The following SCN8A variants were observed in gnomAD, a reference collection of about 807,000 sequenced individuals.
SCN8A encodes the protein sodium voltage-gated channel alpha subunit 8, also known as sodium channel protein type 8 subunit alpha.
A neutral mutation model predicts 184.1 loss-of-function variants in SCN8A; 30 were observed. The observed-to-expected ratio is 0.16, with a 90% CI of 0.12 to 0.22. The LOEUF (loss-of-function observed/expected upper bound fraction) is 0.22. SCN8A is among the 10% of genes least tolerant of loss of function. SCN8A has a pLI of 1.00. For missense variants in SCN8A, 1,057 were observed against 2,498.9 expected, an observed-to-expected ratio of 0.42 and a Z score of 12.30; for synonymous variants, 852 against 907.0, an observed-to-expected ratio of 0.94 and a Z score of 1.09.
chr12:51,594,783 T>C (rs773943604), intron 1 of SCN8A, among the ~76,000 whole-genome samples: 8 of 152,210 alleles, frequency 5.3e-5, no homozygotes, highest in Non-Finnish European at 1.0e-4. Flanking sequence ...TTATTATGTT[T>C]TTCCAGTCTT....
chr12:51,595,380 C>T (rs996023271), intron 1 of SCN8A, among the ~76,000 whole-genome samples: 1 of 152,300 alleles, frequency 6.6e-6, no homozygotes, highest in African/African-American at 2.4e-5. Flanking sequence ...GAAAAATTAT[C>T]CCTTTGTGAA....
intron 12 of SCN8A, among the ~76,000 whole-genome samples, chr12:51,741,416 C>T (rs1439881099): frequency 6.6e-6 from 1 of 152,110 alleles, no homozygotes; most frequent in Admixed American, 6.5e-5. Context: ...ATGCATTTAG[C>T]CACTCTATGT....
intron 21 of SCN8A, among the ~76,000 whole-genome samples, chr12:51,781,392 T>A (rs1249696548): frequency 1.3e-5 from 2 of 152,156 alleles, no homozygotes; most frequent in Admixed American, 6.5e-5. Context: ...CAAAGCTTTT[T>A]TCCTCACCCC....
At chr12:51,691,237 C>A (rs1054122942) in intron 6 of SCN8A, among the ~76,000 whole-genome samples, 1 of 152,106 alleles carries the variant, frequency 6.6e-6, no homozygotes, top group African/African-American at 2.4e-5. Context: ...AAACTTCTCT[C>A]CCAGAATTAA....
At chr12:51,592,798 G>A (rs1414171756) in intron 1 of SCN8A, among the ~76,000 whole-genome samples, 2 of 152,030 alleles carry the variant, frequency 1.3e-5, no homozygotes, top group Non-Finnish European at 1.5e-5. Context: ...TTTAGAGAGA[G>A]GTAGCAGTGT....
chr12:51,714,371 GA>G (rs1474171550), intron 11 of SCN8A, among the ~76,000 whole-genome samples: 21 of 109,632 alleles, frequency 1.9e-4, no homozygotes, highest in African/African-American at 5.9e-4. Context: ...GAAATTTCCT[GA>G]GTTTATGCAA....
At chr12:51,752,344 G>A (rs998476706) in intron 14 of SCN8A, among the ~76,000 whole-genome samples, 6 of 151,900 alleles carry the variant, frequency 3.9e-5, no homozygotes, top group Admixed American at 6.6e-5. Flanking sequence ...GGCTATTACC[G>A]TTTATTAATG....
intron 2 of SCN8A, among the ~76,000 whole-genome samples, chr12:51,671,307 T>C (rs1941126184): frequency 3.9e-5 from 6 of 152,234 alleles, no homozygotes; most frequent in Admixed American, 3.9e-4. Flanking sequence ...GGGTTAGATA[T>C]GGAGGGTACC....
chr12:51,765,588 T>G, intron 15 of SCN8A, 83 bp from the exon 16 acceptor site: 1 of 839,484 alleles, frequency 1.2e-6, no homozygotes, highest in Non-Finnish European at 1.8e-6. Context: ...ATCTTCCTAA[T>G]TTTATGTTTT....
chr12:51,699,766 T>C lies in SCN8A; in HGVS notation c.903T>C (p.Asp301=), dbSNP rs759557451. The change falls in exon 7 of 27, where the codon GAT becomes GAC. Residue 301 remains aspartate, a synonymous_variant. Coordinates refer to ENST00000627620, the MANE Select transcript of SCN8A (RefSeq NM_001330260.2). ...TTGAAAATGGCACCAAAGGCTTTGA[T>C]TGGGAAGAGTATATCAACAATAAAA... The part of the protein sequence containing the change: ...SYLENGTKGF[D]WEEYINNKTN... 9 of 1,613,444 alleles carry C rather than the reference T, an allele frequency of 5.6e-6. No homozygotes were observed. The highest frequency in any genetic ancestry group is 3.3e-5 in the Admixed American group (2 of 59,946).
At chr12:51,748,350 T>C (rs917491225) in intron 13 of SCN8A, among the ~76,000 whole-genome samples, 7 of 152,190 alleles carry the variant, frequency 4.6e-5, no homozygotes, top group Admixed American at 2.6e-4. Flanking sequence ...TCTAGAATCC[T>C]GTCAATAATT....
intron 1 of SCN8A, among the ~76,000 whole-genome samples, chr12:51,594,184 T>G (rs79260698): frequency 0.011 from 1,670 of 152,356 alleles, 17 homozygotes; most frequent in Non-Finnish European, 0.017. Context: ...ATCTTTGCTT[T>G]GAATACATCC....
At chr12:51,775,356 C>G (rs12312212) in intron 20 of SCN8A, among the ~76,000 whole-genome samples, 1,921 of 152,224 alleles carry the variant, frequency 0.013, 33 homozygotes, top group African/African-American at 0.041. Flanking sequence ...GGCAAGTGCC[C>G]AATACTGAGC....
At position 51,591,329 on chromosome 12, in the gene SCN8A, C is replaced by G. The variant is rs1336293831; in HGVS notation, c.-85C>G. On this transcript the variant is annotated 5_prime_UTR_variant, in exon 1 of 27. Coordinates refer to ENST00000627620, the MANE Select transcript of SCN8A (RefSeq NM_001330260.2). ...CGCCTCCCGGGCCCCGCGTTAGGGC[C>G]GCCGCTGCCTCCCTCGCCGCCGCCG... The G allele has an allele frequency of 6.4e-6, 1 of 156,216 alleles. No individual in the cohort carries two copies. Among genetic ancestry groups the G allele is most frequent in the Non-Finnish European group, 1.4e-5 (1 of 70,846 alleles). 9.7% of individuals were successfully genotyped at this position (156,216 alleles called of 1,614,324 possible).
intron 1 of SCN8A, among the ~76,000 whole-genome samples, chr12:51,632,381 A>G (rs1940215088): frequency 6.6e-6 from 1 of 152,212 alleles, no homozygotes; most frequent in African/African-American, 2.4e-5. Context: ...AGCTTGACTC[A>G]GTGTAAGGCA....
intron 26 of SCN8A, among the ~76,000 whole-genome samples, chr12:51,796,631 C>CAATAGCTGGTATT (rs1938416702): frequency 6.6e-6 from 1 of 152,140 alleles, no homozygotes; most frequent in Non-Finnish European, 1.5e-5. Flanking sequence ...AACTGACTCA[C>CAATAGCTGGTATT]GATCACAAGG....
At chr12:51,713,089 G>A (rs1941907968) in intron 11 of SCN8A, 1 of 1,362,438 alleles carries the variant, frequency 7.3e-7, no homozygotes, top group Non-Finnish European at 1.0e-6. Context: ...ATCATCAAAA[G>A]TTACAAAAGC....
chr12:51,740,395 T>C (rs1000370416), intron 12 of SCN8A, among the ~76,000 whole-genome samples: 2 of 152,236 alleles, frequency 1.3e-5, no homozygotes, highest in Non-Finnish European at 2.9e-5. Flanking sequence ...AATTTCTTCA[T>C]TGACTTTGAC....
At chr12:51,718,313 C>G (rs1470088641) in intron 11 of SCN8A, among the ~76,000 whole-genome samples, 2 of 151,996 alleles carry the variant, frequency 1.3e-5, no homozygotes, top group Non-Finnish European at 2.9e-5. Context: ...GACCCCATCT[C>G]TATTAAAAAA....
Sources: allele counts gnomAD v4.1 joint callset (sites outside exome capture counted in the v4.1 genomes callset), GRCh38; gene constraint gnomAD v4.1.1; transcripts MANE v1.5; gene names NCBI Gene and HGNC (gene_info 2026-07-23, HGNC 2026-07-21).